SLC7A10: variants seen among roughly 807,000 people sequenced by gnomAD.
SLC7A10 encodes the protein asc-type amino acid transporter 1.
In SLC7A10, 30 loss-of-function variants were observed where a neutral mutation model predicts 52.7. The observed-to-expected ratio is 0.57, with a 90% confidence interval of 0.43 to 0.77. The LOEUF is 0.77. Ranked by LOEUF, SLC7A10 falls within the 30% of genes least tolerant of loss-of-function variation. The probability of loss-of-function intolerance (pLI) is 0.00; values close to 1 mark genes in which losing one functional copy is unlikely to be tolerated. For missense variants in SLC7A10, 581 were observed against 698.5 expected, an observed-to-expected ratio of 0.83 and a Z score of 1.90; for synonymous variants, 318 against 314.9, an observed-to-expected ratio of 1.01 and a Z score of -0.10.
At chr19:33,215,631 C>CCCCCACACCTTCACTCCATCCAG in intron 2 of SLC7A10, 138 bp downstream of exon 2, 1 of 444,188 alleles carries the variant, frequency 2.3e-6, no homozygotes, top group Non-Finnish European at 3.4e-6. Flanking sequence ...TCTCCATCCA[C>CCCCCACACCTTCACTCCATCCAG]CCCCCACACC....
chr19:33,225,818 G>T lies in SLC7A10; in HGVS notation c.-115C>A. ...CTCGCAGCCGGGACAGCGCCCACAG[G>T]CGGGCGCATGCGCTGGCTCCGGGCC... On this transcript the variant is annotated 5_prime_UTR_variant, in exon 1 of 11. Transcript: ENST00000253188. The T allele has an allele frequency of 8.4e-7, 1 of 1,197,308 alleles. No homozygotes were observed. Among genetic ancestry groups the T allele is most frequent in the Non-Finnish European group, 1.1e-6 (1 of 944,046 alleles). 74.2% of individuals were successfully genotyped at this position (1,197,308 alleles called of 1,614,324 possible).
chr19:33,220,572 T>C (rs1229746796), intron 1 of SLC7A10, among the ~76,000 whole-genome samples: 1 of 152,106 alleles, frequency 6.6e-6, no homozygotes, highest in Non-Finnish European at 1.5e-5. Flanking sequence ...TTCTCTTTTC[T>C]TTCTATGCTT....
rs1223708644 is a variant in SLC7A10, at chr19:33,225,779, G to A, written c.-76C>T. On this transcript the variant is annotated 5_prime_UTR_variant, in exon 1 of 11. The change creates a new upstream start codon in the 5' untranslated region. Coordinates refer to ENST00000253188, the MANE Select transcript of SLC7A10 (RefSeq NM_019849.3). The stretch of plus-strand genomic sequence containing the variant: ...CGGCCGCCCGTCGGTCCGTCGGTCC[G>A]TGAGCTCACGGCCCTCGCAGCCGGG... 2.1e-6 allele frequency: 3 copies of A among 1,408,114 alleles called. No homozygotes were observed. The highest frequency in any genetic ancestry group is 3.1e-5 in the East Asian group (1 of 31,818). 87.2% of individuals were successfully genotyped at this position (1,408,114 alleles called of 1,614,324 possible).
Position 33,212,946 on chromosome 19 carries a change from A to G in SLC7A10, c.413T>C (p.Ile138Thr). 1 of 1,614,114 alleles carries G rather than the reference A, an allele frequency of 6.2e-7. No individual in the cohort carries two copies. The highest frequency in any genetic ancestry group is 1.7e-5 in the Admixed American group (1 of 60,022). Reference protein sequence around the residue: ...LIMYPTSLAVISMTFSNYVLQ... With the variant: ...LIMYPTSLAVTSMTFSNYVLQ... ...CACGTAGTTGGAGAAGGTCATGGAG[A>G]TGACAGCAAGGCTGGTGGGGTACAT... Residue 138 changes from isoleucine to threonine, a missense_variant, in exon 3 of 11, where the codon ATC becomes ACC. Ile to Thr is a moderately conservative substitution (Grantham distance 89, BLOSUM62 -1). Transcript: ENST00000253188.
chr19:33,212,212 AGTGGGGCTGGGCGGAGAGGCTGCCT>A, intron 5 of SLC7A10, 55 bp downstream of exon 5: 1 of 1,543,216 alleles, frequency 6.5e-7, no homozygotes, highest in Non-Finnish European at 8.8e-7. Flanking sequence ...CTTGGGTGGC[AGTGGGGCTGGGCGGAGAGGCTGCCT>A]GTCCCACCAG....
At chr19:33,211,766 C>A in intron 5 of SLC7A10, 1 of 678,478 alleles carries the variant, frequency 1.5e-6, no homozygotes, top group Non-Finnish European at 2.4e-6. Flanking sequence ...GGGGCCCCAT[C>A]ACATCCTGAG....
At chr19:33,217,013 T>A (rs114650245) in intron 1 of SLC7A10, among the ~76,000 whole-genome samples, 175 of 151,476 alleles carry the variant, frequency 1.2e-3, no homozygotes, top group African/African-American at 4.0e-3. Flanking sequence ...TAGCTGGGAC[T>A]CCAGGTGTAT....
At chr19:33,215,740 C>T (rs372874093) in intron 2 of SLC7A10, 29 bp downstream of exon 2, 1 of 1,546,228 alleles carries the variant, frequency 6.5e-7, no homozygotes, top group African/African-American at 1.4e-5. Flanking sequence ...AAGAGGGTGT[C>T]CCCCTGCCCG....
rs2145481513 is a variant in SLC7A10, at chr19:33,215,625, CAT to C, written c.356+142_356+143del. ...CCATCCAGCCCCCACACCTTCTCTCCATCCACCCCCCACACCTTCTCTCCATC... is the reference window on the plus strand; with the variant it reads ...CCATCCAGCCCCCACACCTTCTCTCCCCACCCCCCACACCTTCTCTCCATC... On this transcript the variant is annotated intron_variant, in intron 2 of 10. Coordinates refer to ENST00000253188, the MANE Select transcript of SLC7A10 (RefSeq NM_019849.3). 786 of 640,774 alleles carry C rather than the reference CAT, an allele frequency of 1.2e-3. 19 individuals are homozygous for C. The highest frequency in any genetic ancestry group is 5.7e-3 in the South Asian group (202 of 35,392). The allele number at this position is 640,774 out of a possible 1,614,324, so 39.7% of individuals were successfully genotyped here. A position where few individuals can be genotyped will look rare whatever the true frequency, so the allele number is the denominator to read the frequency against.
intron 1 of SLC7A10, among the ~76,000 whole-genome samples, chr19:33,222,664 A>G (rs1974837973): frequency 6.6e-6 from 1 of 152,258 alleles, no homozygotes; most frequent in South Asian, 2.1e-4. Flanking sequence ...AAGGAAGAAC[A>G]TGTTTTCATA....
At chr19:33,212,149 CA>C in intron 5 of SLC7A10, 142 bp downstream of exon 5, 1 of 1,241,466 alleles carries the variant, frequency 8.1e-7, no homozygotes, top group East Asian at 2.5e-5. Flanking sequence ...GCTTTCTTCC[CA>C]GGGCCATTTT....
Position 33,208,741 on chromosome 19 carries a change from A to T in SLC7A10, c.*150T>A. 1 of 970,970 alleles carries T rather than the reference A, an allele frequency of 1.0e-6. No homozygotes were observed. Among genetic ancestry groups the T allele is most frequent in the Non-Finnish European group, 1.5e-6 (1 of 667,056 alleles). 60.1% of individuals were successfully genotyped at this position (970,970 alleles called of 1,614,324 possible). A position where few individuals can be genotyped will look rare whatever the true frequency, so the allele number is the denominator to read the frequency against. ...AGTGCTAAGACAGGAAACCCAGTCC[A>T]CATTTTAGGGCTTCCTTAAACAGGC... On this transcript the variant is annotated 3_prime_UTR_variant, in exon 11 of 11. Coordinates refer to ENST00000253188, the MANE Select transcript of SLC7A10 (RefSeq NM_019849.3). The surrounding 1 kb of genome is among the most constrained non-coding windows in gnomAD (Gnocchi z 4.7).
Position 33,225,771 on chromosome 19 carries a change from G to T in SLC7A10, c.-68C>A. ...TGTCCGGCCGGCCGCCCGTCGGTCC[G>T]TCGGTCCGTGAGCTCACGGCCCTCG... On this transcript the variant is annotated 5_prime_UTR_variant, in exon 1 of 11. Transcript: ENST00000253188. 1.4e-6 allele frequency: 2 copies of T among 1,435,628 alleles called. No individual in the cohort carries two copies. The highest frequency in any genetic ancestry group is 1.4e-5 in the South Asian group (1 of 73,534). The allele number at this position is 1,435,628 out of a possible 1,614,324, so 88.9% of individuals were successfully genotyped here.
At chr19:33,214,460 A>G (rs1389788554) in intron 2 of SLC7A10, among the ~76,000 whole-genome samples, 1 of 152,232 alleles carries the variant, frequency 6.6e-6, no homozygotes, top group Non-Finnish European at 1.5e-5. Context: ...AAACGATTTT[A>G]GAATCTGCCT....
rs760900325 is a variant in SLC7A10 at position 33,211,259 on chromosome 19, C to T, written c.982G>A (p.Gly328Arg). The T allele has an allele frequency of 3.8e-5, 62 of 1,613,856 alleles. No homozygotes were observed. The highest frequency in any genetic ancestry group is 4.8e-5 in the Non-Finnish European group (57 of 1,180,026). Reference protein sequence around the residue: ...MPVSVALSTFGGINGYLFTYS... With the variant: ...MPVSVALSTFRGINGYLFTYS... ...GTGAACAGGTAACCATTGATCCCTC[C>T]GAAGGTTGACAGAGCCACGGAGACA... is the stretch of plus-strand genomic sequence containing the variant. The change falls in exon 7 of 11, where the codon GGA becomes AGA. Residue 328 changes from glycine to arginine, a missense_variant. Physicochemically the swap from Gly to Arg is moderately radical, Grantham distance 125 (BLOSUM62 -2). Coordinates refer to ENST00000253188, the MANE Select transcript of SLC7A10 (RefSeq NM_019849.3).
Position 33,212,723 on chromosome 19 carries a change from A to G in SLC7A10, c.509-84T>C, listed in dbSNP as rs1974583145. 5 of 1,611,096 alleles carry G rather than the reference A, an allele frequency of 3.1e-6. No homozygotes were observed. In the South Asian group the frequency reaches 4.4e-5, roughly 14 times the overall value. The stretch of plus-strand genomic sequence containing the variant: ...CCAAGTCCAGCCCAGGCGGCCCGAG[A>G]ATGGCATCCCCTATAGCAGCTGGAA... On this transcript the variant is annotated intron_variant, in intron 3 of 10. Coordinates refer to ENST00000253188, the MANE Select transcript of SLC7A10 (RefSeq NM_019849.3).
At chr19:33,221,847 T>A (rs1398453853) in intron 1 of SLC7A10, among the ~76,000 whole-genome samples, 1 of 152,168 alleles carries the variant, frequency 6.6e-6, no homozygotes, top group Non-Finnish European at 1.5e-5. Context: ...GGACTCCCAC[T>A]TTGGAGGATC....
chr19:33,212,919 A>G lies in SLC7A10; in HGVS notation c.440T>C (p.Leu147Pro), dbSNP rs767636839. 6.2e-7 allele frequency: 1 copy of G among 1,614,214 alleles called. No homozygotes were observed. The change falls in exon 3 of 11, where the codon CTG becomes CCG. Residue 147 changes from leucine (L) to proline (P), a missense_variant. Physicochemically the swap from Leu to Pro is moderately conservative, Grantham distance 98 (BLOSUM62 -3). Transcript: ENST00000253188. ...VISMTFSNYV[L>P]QPVFPNCIPP... is the part of the protein sequence containing the mutation. ...GATGCAGTTGGGGAACACGGGCTGC[A>G]GCACGTAGTTGGAGAAGGTCATGGA... is the stretch of plus-strand genomic sequence containing the variant.
Position 33,210,626 on chromosome 19 carries a change from G to A in SLC7A10, c.1114-10C>T. 1.2e-6 allele frequency: 2 copies of A among 1,611,108 alleles called. No homozygotes were observed. Among genetic ancestry groups the A allele is most frequent in the South Asian group, 2.2e-5 (2 of 91,076 alleles). On this transcript the variant is annotated splice_polypyrimidine_tract_variant and intron_variant, in intron 8 of 10. Transcript: ENST00000253188. This position sits in a 1 kb window ranked among gnomAD's most constrained non-coding sequence, Gnocchi z 5.6. ...CGGCTGTGGCCCCGCACTGGGAGAG[G>A]ACCTGGGGCTGACGGCTGGCCCCTA... is the stretch of plus-strand genomic sequence containing the variant.
Sources: allele counts gnomAD v4.1 joint callset (sites outside exome capture counted in the v4.1 genomes callset), GRCh38; gene constraint gnomAD v4.1.1; non-coding constraint Gnocchi (gnomAD v3.1); transcripts MANE v1.5; gene names NCBI Gene and HGNC (gene_info 2026-07-23, HGNC 2026-07-21).